MUC5B: variants seen among roughly 807,000 people sequenced by gnomAD.
MUC5B encodes the protein mucin 5B, oligomeric mucus/gel-forming.
A neutral mutation model predicts 376.9 loss-of-function variants in MUC5B; 116 were observed. The observed-to-expected ratio is 0.31, with a 90% CI of 0.26 to 0.36. The LOEUF is 0.36. Among genes scored for constraint, MUC5B ranks in the 10% least tolerant of loss-of-function variants. MUC5B has a pLI of 1.00. For synonymous variants in MUC5B, 3,517 were observed against 3,390.9 expected, an observed-to-expected ratio of 1.04 and a Z score of -1.29; for missense variants, 7,165 against 7,769.9, an observed-to-expected ratio of 0.92 and a Z score of 2.93.
At position 1,243,236 on chromosome 11, in the gene MUC5B, C is replaced by T. The variant is rs1564940437; in HGVS notation, c.6356C>T (p.Thr2119Ile). ...TTTVATGSMATPSSSTQTSGT... is the reference protein window; with the variant it reads ...TTTVATGSMAIPSSSTQTSGT... ...ACTGTGGCCACTGGTTCTATGGCAA[C>T]ACCCTCCTCTAGCACACAGACCAGT... Residue 2119 changes from threonine (T) to isoleucine (I), a missense_variant, in exon 31 of 49, where the codon ACA (threonine) becomes ATA (isoleucine). Thr to Ile is a moderately conservative substitution (Grantham distance 89). This residue lies in a region of MUC5B where 897 missense variants were observed against 779.6 expected (regional missense o/e 1.15). Coordinates refer to ENST00000529681, the MANE Select transcript of MUC5B (RefSeq NM_002458.3). The T allele has an allele frequency of 9.6e-6, 15 of 1,562,274 alleles. No individual in the cohort carries two copies. The highest frequency in any genetic ancestry group is 1.4e-5 in the African/African-American group (1 of 73,056).
rs773571741 is a variant in MUC5B at position 1,243,320 on chromosome 11, C to T, written c.6440C>T (p.Thr2147Ile). The change falls in exon 31 of 49, where the codon ACC becomes ATC. Residue 2147 changes from threonine (T) to isoleucine (I), a missense_variant. By Grantham distance (89) the Thr-to-Ile change is moderately conservative. This residue lies in a region of MUC5B where 897 missense variants were observed against 779.6 expected (regional missense o/e 1.15). Transcript: ENST00000529681. ...ATTITATGST[T>I]NPSSTPGTTP... is the part of the protein sequence containing the mutation. The stretch of plus-strand genomic sequence containing the variant: ...ACGATCACGGCCACCGGCTCCACCA[C>T]CAACCCCTCCTCAACTCCTGGGACA... The T allele has an allele frequency of 1.8e-5, 28 of 1,557,248 alleles. No homozygotes were observed. Among genetic ancestry groups the T allele is most frequent in the East Asian group, 2.4e-5 (1 of 40,978 alleles).
chr11:1,224,467 T>TG (rs1196480825), intron 1 of MUC5B, among the ~76,000 whole-genome samples: 8 of 34,868 alleles, frequency 2.3e-4, no homozygotes, highest in African/African-American at 7.7e-4. Flanking sequence ...AGGGGCTGCC[T>TG]GGGGGGGAGG....
Position 1,251,672 on chromosome 11 carries a change from C to T in MUC5B, c.14792C>T (p.Pro4931Leu). The T allele has an allele frequency of 6.2e-7, 1 of 1,612,986 alleles. No individual in the cohort carries two copies. Among genetic ancestry groups the T allele is most frequent in the South Asian group, 1.1e-5 (1 of 91,062 alleles). The change falls in exon 31 of 49, where the codon CCC becomes CTC. Residue 4931 changes from proline to leucine, a missense_variant. Physicochemically the swap from Pro to Leu is moderately conservative, Grantham distance 98. This residue lies in a region of MUC5B where 730 missense variants were observed against 592.7 expected (regional missense o/e 1.23). Coordinates refer to ENST00000529681, the MANE Select transcript of MUC5B (RefSeq NM_002458.3). ...VSSSVLTTLR[P>L]TGFPSSHFST... ...TCCTCAGTCCTCACCACCCTGAGAC[C>T]CACTGGCTTCCCCAGCTCCCACTTC...
At position 1,257,204 on chromosome 11, in the gene MUC5B, A is replaced by C; in HGVS notation, c.16238-36A>C. 2.6e-6 allele frequency: 2 copies of C among 779,554 alleles called. No homozygotes were observed. The highest frequency in any genetic ancestry group is 4.8e-6 in the Non-Finnish European group (2 of 417,932). The allele number at this position is 779,554 out of a possible 1,614,324, so 48.3% of individuals were successfully genotyped here. A position where few individuals can be genotyped will look rare whatever the true frequency, so the allele number is the denominator to read the frequency against. ...CAGAGGCCCCTCCGCCTGCAAACTCAGCACCCTCCGTGATGCCATGCTGTT... is the reference window on the plus strand; with the variant it reads ...CAGAGGCCCCTCCGCCTGCAAACTCCGCACCCTCCGTGATGCCATGCTGTT... On this transcript the variant is annotated intron_variant, in intron 39 of 48. Transcript: ENST00000529681. The surrounding 1 kb of genome is among the most constrained non-coding windows in gnomAD (Gnocchi z 8.9).
In MUC5B at chr11:1,247,985, C is replaced by G. The variant is rs34528873; in HGVS notation, c.11105C>G (p.Thr3702Arg). Residue 3702 changes from threonine (T) to arginine (R), a missense_variant, in exon 31 of 49, where the codon ACG becomes AGG. By Grantham distance (71) the Thr-to-Arg change is moderately conservative. This residue lies in a region of MUC5B where 90 missense variants were observed against 71.1 expected (regional missense o/e 1.27). Transcript: ENST00000529681. The stretch of plus-strand genomic sequence containing the variant: ...ACAAAGCTGACCACAACAGCCACTA[C>G]GACTGAGTCCACTGGATCCACGGCC... ...ILTKLTTTATTTESTGSTATP... is the reference protein window; with the variant it reads ...ILTKLTTTATRTESTGSTATP... The G allele has an allele frequency of 8.1e-6, 13 of 1,610,288 alleles. No individual in the cohort carries two copies. The highest frequency in any genetic ancestry group is 9.3e-6 in the Non-Finnish European group (11 of 1,177,728).
At chr11:1,255,332 C>T (rs564103126) in intron 36 of MUC5B, 51 bp from the exon 37 acceptor site, 292 of 1,377,444 alleles carry the variant, frequency 2.1e-4, no homozygotes, top group African/African-American at 5.9e-4. Flanking sequence ...CACGCACGCA[C>T]GCAGCTCCCT....
rs1861922052 is a variant in MUC5B at position 1,227,787 on chromosome 11, T to C, written c.774+6T>C. ...CCGGCAACTGCACGGACGAGGTGAG[T>C]CCCCCGCCACCCCCAGCTCCTGGGC... On this transcript the variant is annotated splice_donor_region_variant and intron_variant, in intron 7 of 48. Coordinates refer to ENST00000529681, the MANE Select transcript of MUC5B (RefSeq NM_002458.3). 2.9e-6 allele frequency: 2 copies of C among 700,834 alleles called. No individual in the cohort carries two copies. The highest frequency in any genetic ancestry group is 2.7e-6 in the Non-Finnish European group (1 of 372,736). The allele number at this position is 700,834 out of a possible 1,614,324, so 43.4% of individuals were successfully genotyped here. A position where few individuals can be genotyped will look rare whatever the true frequency, so the allele number is the denominator to read the frequency against.
At position 1,240,902 on chromosome 11, in the gene MUC5B, C is replaced by G. The variant is rs1421150422; in HGVS notation, c.4022C>G (p.Ser1341Cys). The G allele has an allele frequency of 6.2e-7, 1 of 1,612,680 alleles. No individual in the cohort carries two copies. Among genetic ancestry groups the G allele is most frequent in the African/African-American group, 1.3e-5 (1 of 75,052 alleles). Residue 1341 changes from serine (S) to cysteine (C), a missense_variant, in exon 31 of 49, where the codon TCC becomes TGC. Coordinates refer to ENST00000529681, the MANE Select transcript of MUC5B (RefSeq NM_002458.3). ...TVCVREVCRW[S>C]SWYNGHRPEP... ...TGTGTCCGCGAGGTCTGCCGCTGGT[C>G]CAGCTGGTACAATGGGCACCGCCCA...
Position 1,246,244 on chromosome 11 carries a change from A to T in MUC5B, c.9364A>T (p.Met3122Leu). Reference sequence around the variant, plus strand: ...CACCACGACAAGGGCCACCAGTTCCATGTCCACCCCCTCCTCCACTCCGGG... The same window carrying T: ...CACCACGACAAGGGCCACCAGTTCCTTGTCCACCCCCTCCTCCACTCCGGG... The part of the protein sequence containing the change: ...KATTTRATSS[M>L]STPSSTPGTT... Residue 3122 changes from methionine (M) to leucine (L), a missense_variant, in exon 31 of 49, where the codon ATG (methionine) becomes TTG (leucine). Transcript: ENST00000529681. 1.2e-6 allele frequency: 2 copies of T among 1,611,504 alleles called. No homozygotes were observed. The highest frequency in any genetic ancestry group is 3.3e-5 in the Admixed American group (2 of 59,874).
intron 32 of MUC5B, 78 bp from the exon 33 acceptor site, chr11:1,252,731 G>T: frequency 6.7e-7 from 1 of 1,503,728 alleles, no homozygotes; most frequent in African/African-American, 1.4e-5. Flanking sequence ...CGGGGCTTTG[G>T]GCCATGAGGG....
At position 1,249,053 on chromosome 11, in the gene MUC5B, C is replaced by G; in HGVS notation, c.12173C>G (p.Thr4058Ser). The part of the protein sequence containing the change: ...TSHTPAATTG[T>S]TQHSTPALSS... ...CACACCCCAGCAGCAACCACCGGTA[C>G]CACCCAGCACTCGACTCCAGCCCTG... The change falls in exon 31 of 49, where the codon ACC (threonine) becomes AGC (serine). Residue 4058 changes from threonine (T) to serine (S), a missense_variant. Coordinates refer to ENST00000529681, the MANE Select transcript of MUC5B (RefSeq NM_002458.3). 2 of 1,610,798 alleles carry G rather than the reference C, an allele frequency of 1.2e-6. No individual in the cohort carries two copies. Among genetic ancestry groups the G allele is most frequent in the East Asian group, 2.2e-5 (1 of 44,858 alleles).
chr11:1,233,180 G>T lies in MUC5B; in HGVS notation c.2233G>T (p.Ala745Ser). 6.2e-7 allele frequency: 1 copy of T among 1,604,300 alleles called. No homozygotes were observed. Residue 745 changes from alanine to serine, a missense_variant, in exon 18 of 49, where the codon GCC becomes TCC. Ala to Ser is a moderately conservative substitution (Grantham distance 99). Transcript: ENST00000529681. Reference sequence around the variant, plus strand: ...GGGCACCTTCCTCAATGACGCGGGCGCCTGTGTGCCCGCCCAGGAGTGCCC... The same window carrying T: ...GGGCACCTTCCTCAATGACGCGGGCTCCTGTGTGCCCGCCCAGGAGTGCCC... ...PAGTFLNDAG[A>S]CVPAQECPCY...
At position 1,241,605 on chromosome 11, in the gene MUC5B, G is replaced by A. The variant is rs1302585520; in HGVS notation, c.4725G>A (p.Val1575=). The change falls in exon 31 of 49, where the codon GTG becomes GTA. Residue 1575 remains valine (V), a synonymous_variant. Coordinates refer to ENST00000529681, the MANE Select transcript of MUC5B (RefSeq NM_002458.3). ...KVHCDVHFGL[V]CRNWEQEGVF... is the part of the protein sequence containing the mutation. ...ACTGTGACGTCCACTTCGGCCTGGTGTGCAGGAACTGGGAGCAGGAGGGCG... is the reference window on the plus strand; with the variant it reads ...ACTGTGACGTCCACTTCGGCCTGGTATGCAGGAACTGGGAGCAGGAGGGCG... 3.7e-6 allele frequency: 6 copies of A among 1,612,494 alleles called. No individual in the cohort carries two copies. The highest frequency in any genetic ancestry group is 1.7e-5 in the Admixed American group (1 of 59,900).
chr11:1,254,747 T>G lies in MUC5B; in HGVS notation c.15531T>G (p.Leu5177=), dbSNP rs749549332. 6.2e-6 allele frequency: 10 copies of G among 1,612,754 alleles called. No individual in the cohort carries two copies. The African/African-American group carries it at 1.2e-4, about 19-fold the overall frequency. The change falls in exon 35 of 49, where the codon CTT becomes CTG. Residue 5177 remains leucine (L), a synonymous_variant. Coordinates refer to ENST00000529681, the MANE Select transcript of MUC5B (RefSeq NM_002458.3). The stretch of plus-strand genomic sequence containing the variant: ...GCGGTTTCAGCAAGAACGGCGTGCT[T>G]GTGTCTGTGCTGGGGACCACCACCA... The part of the protein sequence containing the change: ...VSSGFSKNGV[L]VSVLGTTTMR...
chr11:1,247,262 C>G lies in MUC5B; in HGVS notation c.10382C>G (p.Pro3461Arg), dbSNP rs538662819. Residue 3461 changes from proline (P) to arginine (R), a missense_variant, in exon 31 of 49, where the codon CCC becomes CGC. Transcript: ENST00000529681. Reference protein sequence around the residue: ...TATTHGRSLPPSSPHTVRTAW... With the variant: ...TATTHGRSLPRSSPHTVRTAW... ...ACCACACACGGGCGGTCCCTGCCCC[C>G]CAGCAGTCCCCACACGGTGCGCACA... 6.2e-7 allele frequency: 1 copy of G among 1,612,080 alleles called. No homozygotes were observed. The highest frequency in any genetic ancestry group is 1.3e-5 in the African/African-American group (1 of 74,822).
At position 1,229,712 on chromosome 11, in the gene MUC5B, G is replaced by A. The variant is rs745684464; in HGVS notation, c.1125G>A (p.Thr375=). 2.5e-6 allele frequency: 4 copies of A among 1,587,026 alleles called. No individual in the cohort carries two copies. The highest frequency in any genetic ancestry group is 1.3e-5 in the African/African-American group (1 of 74,304). The change falls in exon 10 of 49, where the codon ACG becomes ACA. Residue 375 remains threonine (T), a synonymous_variant. Transcript: ENST00000529681. ...CPPGTVLDDI[T]HSGCLPLGQC... is the part of the protein sequence containing the mutation. Reference sequence around the variant, plus strand: ...CAGGCACGGTGCTGGATGACATCACGCACTCTGGCTGCCTGCCCCTCGGGC... The same window carrying A: ...CAGGCACGGTGCTGGATGACATCACACACTCTGGCTGCCTGCCCCTCGGGC...
intron 8 of MUC5B, 78 bp downstream of exon 8, chr11:1,228,843 G>GT: frequency 8.1e-7 from 1 of 1,235,806 alleles, no homozygotes. Context: ...GCCACTGGGG[G>GT]TGGGGAGGCC....
rs1312866920 is a variant in MUC5B at position 1,242,661 on chromosome 11, C to T, written c.5781C>T (p.Thr1927=). ...TASTGSTATP[T]STLRTAPPPK... ...CCACTGGATCCACGGCCACCCCGAC[C>T]TCCACCCTGAGAACAGCTCCCCCTC... Residue 1927 remains threonine, a synonymous_variant, in exon 31 of 49, where the codon ACC becomes ACT. Coordinates refer to ENST00000529681, the MANE Select transcript of MUC5B (RefSeq NM_002458.3). 5 of 1,613,738 alleles carry T rather than the reference C, an allele frequency of 3.1e-6. No homozygotes were observed. The highest frequency in any genetic ancestry group is 1.7e-4 in the Middle Eastern group (1 of 6,060).
rs2672786 is a variant in MUC5B at position 1,257,367 on chromosome 11, C to T, written c.16269+96C>T. 0.027 allele frequency: 23,728 copies of T among 875,580 alleles called. 482 individuals carry two copies. Among genetic ancestry groups the T allele is most frequent in the Non-Finnish European group, 0.031 (15,826 of 516,316 alleles). 54.2% of individuals were successfully genotyped at this position (875,580 alleles called of 1,614,324 possible). On this transcript the variant is annotated intron_variant, in intron 40 of 48. Coordinates refer to ENST00000529681, the MANE Select transcript of MUC5B (RefSeq NM_002458.3). This position sits in a 1 kb window ranked among gnomAD's most constrained non-coding sequence, Gnocchi z 8.9. ...CCCATCCCACAGGGCAGCTGTGGGGCGCCCGAGTGTGACGTGGACGTGCCA... is the reference window on the plus strand; with the variant it reads ...CCCATCCCACAGGGCAGCTGTGGGGTGCCCGAGTGTGACGTGGACGTGCCA...
Sources: gnomAD v4.1 joint callset for allele counts (sites outside exome capture counted in the v4.1 genomes callset) on GRCh38, gnomAD v4.1.1 for gene constraint, gnomAD v4.1.1 regional missense constraint, Gnocchi (gnomAD v3.1) non-coding constraint, MANE v1.5 for transcripts, NCBI Gene and HGNC (gene_info 2026-07-23, HGNC 2026-07-21) for gene names.